Variants in CACNB2 observed in about 807,000 individuals in gnomAD.
CACNB2 encodes the protein calcium voltage-gated channel auxiliary subunit beta 2, also known as voltage-dependent L-type calcium channel subunit beta-2.
A neutral mutation model predicts 73.3 loss-of-function variants in CACNB2; 42 were observed. The ratio of observed to expected loss-of-function variants is 0.57; its 90% CI spans 0.45 to 0.74. The LOEUF (loss-of-function observed/expected upper bound fraction) is 0.74, where lower values mean the gene tolerates loss of function less well. Among genes scored for constraint, CACNB2 ranks in the 30% least tolerant of loss-of-function variants. The pLI is 0.00. For synonymous variants in CACNB2, 348 were observed against 310.3 expected (o/e 1.12, Z -1.28); for missense variants, 940 against 853.0 (o/e 1.10, Z -1.27).
At chr10:18,347,152 C>A (rs1219008595) in intron 2 of CACNB2, among the ~76,000 whole-genome samples, 1 of 151,802 alleles carries the variant, frequency 6.6e-6, no homozygotes, top group African/African-American at 2.4e-5. Context: ...ACTGAAAGGA[C>A]AAGAACAAGA....
At chr10:18,284,048 G>A (rs2038679757) in intron 2 of CACNB2, among the ~76,000 whole-genome samples, 1 of 151,700 alleles carries the variant, frequency 6.6e-6, no homozygotes, top group Non-Finnish European at 1.5e-5. Flanking sequence ...ATACACTAAT[G>A]TGATTAAAAC....
At chr10:18,152,013 T>C (rs1447279807) in intron 2 of CACNB2, among the ~76,000 whole-genome samples, 3 of 152,200 alleles carry the variant, frequency 2.0e-5, no homozygotes, top group Admixed American at 2.0e-4. Flanking sequence ...TTTATTTTTA[T>C]TGGGGACAGT....
rs59205683 is a variant in CACNB2, at chr10:18,358,497, G to GCTCTCT, written c.214-43377_214-43372dup. Among the ~76,000 whole-genome samples the GCTCTCT allele has an allele frequency of 3.9e-3, 409 of 104,210 alleles. 31 individuals carry two copies. Among genetic ancestry groups the GCTCTCT allele is most frequent in the East Asian group, 9.2e-3 (22 of 2,392 alleles). The allele number at this position is 104,210 out of a possible 152,430, so 68.4% of individuals were successfully genotyped here. A position where few individuals can be genotyped will look rare whatever the true frequency, so the allele number is the denominator to read the frequency against. On this transcript the variant is annotated intron_variant, in intron 2 of 13. Transcript: ENST00000324631. The stretch of plus-strand genomic sequence containing the variant: ...GGGAAATTCCTTTTCTAATGAGCAC[G>GCTCTCT]CTCTCTCTCTCTCTCTCTCTCTCTC...
At chr10:18,509,108 A>G (rs1285837274) in intron 6 of CACNB2, among the ~76,000 whole-genome samples, 1 of 152,210 alleles carries the variant, frequency 6.6e-6, no homozygotes, top group Non-Finnish European at 1.5e-5. Flanking sequence ...TATAATAAGC[A>G]TATTAGGACT....
At chr10:18,230,212 AT>A (rs998573310) in intron 2 of CACNB2, among the ~76,000 whole-genome samples, 1 of 152,198 alleles carries the variant, frequency 6.6e-6, no homozygotes, top group Non-Finnish European at 1.5e-5. Context: ...CCAAGATAGA[AT>A]TGTTAGAAGA....
chr10:18,521,408 C>G (rs979222328), intron 9 of CACNB2, among the ~76,000 whole-genome samples: 1 of 151,968 alleles, frequency 6.6e-6, no homozygotes, highest in Non-Finnish European at 1.5e-5. Flanking sequence ...TGTAAGGCAA[C>G]TCACACCCAC....
chr10:18,448,409 A>G (rs1274858451), intron 3 of CACNB2, among the ~76,000 whole-genome samples: 1 of 136,844 alleles, frequency 7.3e-6, no homozygotes, highest in South Asian at 2.6e-4. Context: ...TGGGAGGCGG[A>G]GGTTGCGGTG....
chr10:18,143,037 G>A (rs544029793), intron 1 of CACNB2, among the ~76,000 whole-genome samples: 1 of 152,212 alleles, frequency 6.6e-6, no homozygotes, highest in Non-Finnish European at 1.5e-5. Context: ...AGTCCCAGAA[G>A]TAAGAAGTCT....
chr10:18,182,542 C>T (rs1355024393), intron 2 of CACNB2, among the ~76,000 whole-genome samples: 2 of 151,070 alleles, frequency 1.3e-5, no homozygotes, highest in African/African-American at 2.4e-5. Flanking sequence ...ATCACCCAGG[C>T]AGGAGGTGGT....
chr10:18,307,559 G>T (rs79500087), intron 2 of CACNB2, among the ~76,000 whole-genome samples: 4,359 of 152,204 alleles, frequency 0.029, 100 homozygotes, highest in East Asian at 0.071. Flanking sequence ...CTAAATTGAA[G>T]GCAGACTATA....
intron 2 of CACNB2, among the ~76,000 whole-genome samples, chr10:18,271,270 G>C (rs540386045): frequency 6.6e-6 from 1 of 152,038 alleles, no homozygotes; most frequent in Non-Finnish European, 1.5e-5. Flanking sequence ...GATATTCCTT[G>C]TATTTCTTTT....
chr10:18,315,610 C>G (rs1290125786), intron 2 of CACNB2, among the ~76,000 whole-genome samples: 2 of 140,674 alleles, frequency 1.4e-5, no homozygotes, highest in African/African-American at 2.7e-5. Flanking sequence ...GGGAGGGTAA[C>G]TTGAGCACAG....
At chr10:18,178,927 T>A (rs895879559) in intron 2 of CACNB2, among the ~76,000 whole-genome samples, 2 of 151,974 alleles carry the variant, frequency 1.3e-5, no homozygotes, top group African/African-American at 4.8e-5. Context: ...AGGGTGGAGG[T>A]TGAGGATAGC....
intron 10 of CACNB2, among the ~76,000 whole-genome samples, chr10:18,528,247 A>C (rs2052668487): frequency 6.6e-6 from 1 of 152,198 alleles, no homozygotes; most frequent in African/African-American, 2.4e-5. Flanking sequence ...TTATTGATAG[A>C]TATCAATATG....
chr10:18,371,209 G>GTT (rs78205139), intron 2 of CACNB2, among the ~76,000 whole-genome samples: 8,285 of 151,334 alleles, frequency 0.055, 275 homozygotes, highest in African/African-American at 0.084. Flanking sequence ...TTTTTATTTT[G>GTT]TTTTTTTTAA....
intron 2 of CACNB2, among the ~76,000 whole-genome samples, chr10:18,169,670 G>A (rs1025363475): frequency 1.3e-5 from 2 of 152,052 alleles, no homozygotes; most frequent in Non-Finnish European, 2.9e-5. Context: ...CACTTTATTG[G>A]GAACTCATAC....
intron 1 of CACNB2, among the ~76,000 whole-genome samples, chr10:18,149,153 A>G (rs746289671): frequency 6.6e-5 from 10 of 152,284 alleles, no homozygotes; most frequent in South Asian, 6.2e-4. Context: ...TCTAGGTAAT[A>G]AGTATTTTTG....
intron 2 of CACNB2, among the ~76,000 whole-genome samples, chr10:18,209,478 G>C (rs2035230925): frequency 6.6e-6 from 1 of 152,142 alleles, no homozygotes; most frequent in Non-Finnish European, 1.5e-5. Context: ...CGTCAGCTGT[G>C]TGGTTCTACA....
At chr10:18,469,345 T>G (rs2048062185) in intron 3 of CACNB2, among the ~76,000 whole-genome samples, 1 of 152,208 alleles carries the variant, frequency 6.6e-6, no homozygotes, top group Non-Finnish European at 1.5e-5. Context: ...TTTTTATCAT[T>G]CCTTCCTTCA....
Sources: gnomAD v4.1 joint callset for allele counts (sites outside exome capture counted in the v4.1 genomes callset) on GRCh38, gnomAD v4.1.1 for gene constraint, MANE v1.5 for transcripts, NCBI Gene and HGNC (gene_info 2026-07-23, HGNC 2026-07-21) for gene names.